GPC6: variants seen among roughly 807,000 people sequenced by gnomAD.
The protein encoded by GPC6 is glypican 6, also known as glypican-6.
In GPC6, 14 loss-of-function variants were observed where a neutral mutation model predicts 55.2. That is an observed-to-expected ratio of 0.25 (90% CI 0.17 to 0.40). GPC6 has a LOEUF of 0.40. Among genes scored for constraint, GPC6 ranks in the 10% least tolerant of loss-of-function variants. The probability of loss-of-function intolerance (pLI) is 1.00; values close to 1 mark genes in which losing one functional copy is unlikely to be tolerated. For missense variants in GPC6, 641 were observed against 708.5 expected, an observed-to-expected ratio of 0.90 and a Z score of 1.08; for synonymous variants, 278 against 259.6, an observed-to-expected ratio of 1.07 and a Z score of -0.68.
chr13:93,627,258 G>GT (rs1372924186), intron 2 of GPC6, among the ~76,000 whole-genome samples: 3 of 152,114 alleles, frequency 2.0e-5, no homozygotes, highest in East Asian at 1.9e-4. Context: ...GTGGTGTTTG[G>GT]TTTTCTGTTC....
At chr13:93,948,194 CT>C (rs1396750999) in intron 3 of GPC6, among the ~76,000 whole-genome samples, 1 of 152,146 alleles carries the variant, frequency 6.6e-6, no homozygotes, top group Non-Finnish European at 1.5e-5. Context: ...AAAATTTTAA[CT>C]GTCAACTGTG....
chr13:93,763,505 C>T (rs746844747), intron 2 of GPC6, among the ~76,000 whole-genome samples: 1 of 152,150 alleles, frequency 6.6e-6, no homozygotes, highest in Admixed American at 6.6e-5. Context: ...CCTACTCTCT[C>T]GGAGAGGTTT....
intron 4 of GPC6, among the ~76,000 whole-genome samples, chr13:94,125,499 G>C (rs955323964): frequency 2.0e-5 from 3 of 152,036 alleles, no homozygotes; most frequent in African/African-American, 7.2e-5. Context: ...AGGGAAAAAG[G>C]CTTTTAAAAA....
At chr13:93,908,538 T>A (rs1408083137) in intron 3 of GPC6, among the ~76,000 whole-genome samples, 4 of 152,220 alleles carry the variant, frequency 2.6e-5, no homozygotes, top group Non-Finnish European at 5.9e-5. Context: ...TGTTTGTGTT[T>A]GCAGTAATAC....
chr13:93,956,651 C>A (rs755842989), intron 3 of GPC6, among the ~76,000 whole-genome samples: 25 of 152,104 alleles, frequency 1.6e-4, no homozygotes, highest in Non-Finnish European at 2.9e-4. Flanking sequence ...CAGCACATAC[C>A]CTGCACTAAA....
rs910396419 is a variant in GPC6, at chr13:93,227,960, C to G, written c.160+344C>G. On this transcript the variant is annotated intron_variant, in intron 1 of 8. Coordinates refer to ENST00000377047, the MANE Select transcript of GPC6 (RefSeq NM_005708.5). This position sits in a 1 kb window ranked among gnomAD's most constrained non-coding sequence, Gnocchi z 4.3. ...CGGCTGCAAGGCGCAGACGGAGAGCCGAGCCGGGCGCTCACTCCGCGTTCT... is the reference window on the plus strand; with the variant it reads ...CGGCTGCAAGGCGCAGACGGAGAGCGGAGCCGGGCGCTCACTCCGCGTTCT... Among the ~76,000 whole-genome samples, 3 of 152,156 alleles carry G rather than the reference C, an allele frequency of 2.0e-5. No individual in the cohort carries two copies. Among genetic ancestry groups the G allele is most frequent in the Non-Finnish European group, 4.4e-5 (3 of 68,032 alleles).
At chr13:94,069,843 A>G (rs1384204943) in intron 4 of GPC6, among the ~76,000 whole-genome samples, 1 of 152,156 alleles carries the variant, frequency 6.6e-6, no homozygotes, top group Non-Finnish European at 1.5e-5. Flanking sequence ...ATTTTGGTCA[A>G]AGACGTTCAA....
chr13:93,436,889 T>G (rs1355041995), intron 1 of GPC6, among the ~76,000 whole-genome samples: 4 of 152,126 alleles, frequency 2.6e-5, no homozygotes, highest in African/African-American at 9.7e-5. Flanking sequence ...AGTGCTTTTT[T>G]GGGGGGTTTG....
intron 2 of GPC6, among the ~76,000 whole-genome samples, chr13:93,636,001 A>T (rs1190054217): frequency 6.6e-6 from 1 of 152,064 alleles, no homozygotes; most frequent in Non-Finnish European, 1.5e-5. Flanking sequence ...TCGGCTCCAC[A>T]TTGCATAATT....
intron 3 of GPC6, among the ~76,000 whole-genome samples, chr13:93,998,722 A>C (rs1393988458): frequency 6.6e-6 from 1 of 152,204 alleles, no homozygotes; most frequent in Non-Finnish European, 1.5e-5. Flanking sequence ...TAATTGAAAA[A>C]AATTGTATAC....
intron 4 of GPC6, among the ~76,000 whole-genome samples, chr13:94,180,793 A>G (rs1201160428): frequency 6.6e-6 from 1 of 152,220 alleles, no homozygotes; most frequent in East Asian, 1.9e-4. Flanking sequence ...AAGGTGGAAT[A>G]GATATCCTTA....
At chr13:93,952,865 T>TG (rs1566619648) in intron 3 of GPC6, among the ~76,000 whole-genome samples, 4 of 109,338 alleles carry the variant, frequency 3.7e-5, no homozygotes, top group Non-Finnish European at 8.4e-5. Flanking sequence ...TATATATATG[T>TG]ATATATATAC....
intron 1 of GPC6, among the ~76,000 whole-genome samples, chr13:93,280,167 T>G (rs1346684833): frequency 6.6e-6 from 1 of 152,268 alleles, no homozygotes; most frequent in East Asian, 1.9e-4. Flanking sequence ...CAGGTTCACA[T>G]GTGGGGGGGG....
intron 1 of GPC6, among the ~76,000 whole-genome samples, chr13:93,391,770 T>C (rs554435967): frequency 2.9e-4 from 44 of 152,298 alleles, no homozygotes; most frequent in Admixed American, 7.2e-4. Context: ...GGGGCACTTA[T>C]CTTGCTACAA....
intron 2 of GPC6, among the ~76,000 whole-genome samples, chr13:93,604,438 G>C (rs1489699822): frequency 6.6e-6 from 1 of 152,172 alleles, no homozygotes; most frequent in Non-Finnish European, 1.5e-5. Context: ...TCTAGGTATA[G>C]ACTTACAATC....
At chr13:93,698,248 GT>G (rs1323265439) in intron 2 of GPC6, among the ~76,000 whole-genome samples, 1 of 152,052 alleles carries the variant, frequency 6.6e-6, no homozygotes, top group Non-Finnish European at 1.5e-5. Context: ...TATGGTGAAT[GT>G]TTTGCTTAGG....
chr13:94,198,387 C>T (rs937988074), intron 4 of GPC6, among the ~76,000 whole-genome samples: 1 of 152,112 alleles, frequency 6.6e-6, no homozygotes, highest in Non-Finnish European at 1.5e-5. Flanking sequence ...ACAGGAATAA[C>T]CATTCTCTCA....
At chr13:93,595,584 T>C (rs1392318851) in intron 2 of GPC6, among the ~76,000 whole-genome samples, 2 of 152,242 alleles carry the variant, frequency 1.3e-5, no homozygotes, top group Non-Finnish European at 2.9e-5. Context: ...ATTGTTTCTT[T>C]CTGCCAGTGT....
In GPC6 at chr13:94,353,578, T is replaced by C. The variant is rs1192865083; in HGVS notation, c.1153-28836T>C. On this transcript the variant is annotated intron_variant, in intron 6 of 8. Coordinates refer to ENST00000377047, the MANE Select transcript of GPC6 (RefSeq NM_005708.5). The stretch of plus-strand genomic sequence containing the variant: ...GTGAAAGTCGTGTGCGAGGAGCATA[T>C]ATATATATATACACACACACACACA... Among the ~76,000 whole-genome samples the C allele has an allele frequency of 2.0e-5, 3 of 151,696 alleles. No homozygotes were observed. In the East Asian group the frequency reaches 5.8e-4, roughly 29 times the overall value.
Sources: allele counts gnomAD v4.1 joint callset (sites outside exome capture counted in the v4.1 genomes callset), GRCh38; gene constraint gnomAD v4.1.1; non-coding constraint Gnocchi (gnomAD v3.1); transcripts MANE v1.5; gene names NCBI Gene and HGNC (gene_info 2026-07-23, HGNC 2026-07-21).